RAB28: variants seen among roughly 807,000 people sequenced by gnomAD.
RAB28 encodes RAB28, member RAS oncogene family.
Under a neutral mutation model 31.7 loss-of-function variants are expected in RAB28, and 24 were observed. The observed-to-expected ratio is 0.76, with a 90% CI of 0.55 to 1.06. The LOEUF is 1.06. Among genes scored for constraint, RAB28 ranks in the 50% least tolerant of loss-of-function variants. The probability of loss-of-function intolerance (pLI) is 0.00; values close to 1 mark genes in which losing one functional copy is unlikely to be tolerated. For missense variants in RAB28, 254 were observed against 258.5 expected (o/e 0.98, Z 0.12); for synonymous variants, 100 against 90.4 (o/e 1.11, Z -0.60).
Position 13,484,191 on chromosome 4 carries a change from G to A in RAB28, c.-41C>T, listed in dbSNP as rs369654305. 3,467 of 1,521,102 alleles carry A rather than the reference G, an allele frequency of 2.3e-3. 67 individuals carry two copies. In the African/African-American group the frequency reaches 0.042, roughly 19 times the overall value. The allele number at this position is 1,521,102 out of a possible 1,614,324, so 94.2% of individuals were successfully genotyped here. A position where few individuals can be genotyped will look rare whatever the true frequency, so the allele number is the denominator to read the frequency against. The stretch of plus-strand genomic sequence containing the variant: ...AGGCCCGCCCCTCGAGGTGGGGGGG[G>A]AAGGGAAGGATGAAGGCTCCGGGGG... On this transcript the variant is annotated 5_prime_UTR_variant, in exon 1 of 7. Transcript: ENST00000330852.
intron 4 of RAB28, among the ~76,000 whole-genome samples, chr4:13,410,178 T>A (rs1712352460): frequency 6.6e-6 from 1 of 152,186 alleles, no homozygotes; most frequent in Admixed American, 6.5e-5. Context: ...CTATTAAACC[T>A]CTTTTCTTTA....
intron 4 of RAB28, among the ~76,000 whole-genome samples, chr4:13,414,222 A>G (rs1712619442): frequency 6.6e-6 from 1 of 152,208 alleles, no homozygotes; most frequent in Admixed American, 6.5e-5. Context: ...TTTTTATCAT[A>G]AAAATGTTCT....
chr4:13,474,810 T>C (rs954035951), intron 2 of RAB28, among the ~76,000 whole-genome samples: 9 of 151,662 alleles, frequency 5.9e-5, no homozygotes, highest in African/African-American at 2.2e-4. Flanking sequence ...TACATATGAA[T>C]TCTGTCGTAG....
At chr4:13,391,495 G>A (rs915859079) in intron 4 of RAB28, among the ~76,000 whole-genome samples, 2 of 152,206 alleles carry the variant, frequency 1.3e-5, no homozygotes, top group Admixed American at 1.3e-4. Flanking sequence ...AAGACAGTAT[G>A]GCGATTCCTC....
At chr4:13,381,723 A>G in intron 4 of RAB28, 129 bp from the exon 5 acceptor site, 1 of 598,454 alleles carries the variant, frequency 1.7e-6, no homozygotes, top group Non-Finnish European at 2.9e-6. Context: ...AACCTTGGAC[A>G]ATTTATTAAA....
chr4:13,371,269 T>C (rs1331725739), intron 6 of RAB28: 2 of 985,354 alleles, frequency 2.0e-6, no homozygotes, highest in Non-Finnish European at 2.4e-6. Flanking sequence ...AACAGAAGCA[T>C]TACCAACTGC....
chr4:13,427,428 T>G (rs181111634), intron 4 of RAB28, among the ~76,000 whole-genome samples: 4 of 152,348 alleles, frequency 2.6e-5, no homozygotes, highest in East Asian at 3.9e-4. Flanking sequence ...GTAAGCTTTA[T>G]AGTCACTCCT....
At chr4:13,407,638 G>T (rs898523030) in intron 4 of RAB28, among the ~76,000 whole-genome samples, 3 of 152,194 alleles carry the variant, frequency 2.0e-5, no homozygotes, top group Admixed American at 2.0e-4. Flanking sequence ...TCCTATGAAT[G>T]AGCATGGAAT....
At chr4:13,369,957 G>T (rs767237207) in intron 6 of RAB28, 1 of 1,610,070 alleles carries the variant, frequency 6.2e-7, no homozygotes, top group South Asian at 1.1e-5. Flanking sequence ...TTTCTGCCCT[G>T]ACAATACGCT....
intron 3 of RAB28, among the ~76,000 whole-genome samples, chr4:13,461,182 C>T (rs555752014): frequency 1.2e-4 from 18 of 152,212 alleles, no homozygotes; most frequent in Non-Finnish European, 1.9e-4. Context: ...CTACCTCTCA[C>T]TTTCATGAGG....
chr4:13,444,229 G>A (rs1199164468), intron 4 of RAB28, among the ~76,000 whole-genome samples: 2 of 151,574 alleles, frequency 1.3e-5, no homozygotes, highest in Non-Finnish European at 2.9e-5. Flanking sequence ...GGGTTTCACC[G>A]TGTTAGCCAG....
chr4:13,371,660 A>C (rs2108873513), intron 6 of RAB28: 1 of 1,472,958 alleles, frequency 6.8e-7, no homozygotes, highest in South Asian at 1.4e-5. Context: ...GCAGATTCCA[A>C]ATTTCACTTT....
intron 2 of RAB28, among the ~76,000 whole-genome samples, chr4:13,476,973 T>C (rs1716389709): frequency 6.6e-6 from 1 of 151,174 alleles, no homozygotes; most frequent in Non-Finnish European, 1.5e-5. Context: ...AAAAGTACAC[T>C]TGGTGCCTTG....
At chr4:13,443,837 C>T (rs1356271026) in intron 4 of RAB28, among the ~76,000 whole-genome samples, 1 of 152,104 alleles carries the variant, frequency 6.6e-6, no homozygotes, top group African/African-American at 2.4e-5. Flanking sequence ...CATCTACCCA[C>T]TGTCTCCAGC....
At chr4:13,397,865 A>T (rs1711517596) in intron 4 of RAB28, among the ~76,000 whole-genome samples, 1 of 152,112 alleles carries the variant, frequency 6.6e-6, no homozygotes. Flanking sequence ...CTCAAATTGC[A>T]TTGTGTTTAT....
chr4:13,419,742 A>G (rs1713009350), intron 4 of RAB28, among the ~76,000 whole-genome samples: 1 of 152,226 alleles, frequency 6.6e-6, no homozygotes, highest in South Asian at 2.1e-4. Context: ...TCTGGGACAC[A>G]TTTAAAGCAG....
intron 4 of RAB28, among the ~76,000 whole-genome samples, chr4:13,384,699 A>C (rs1729287090): frequency 6.6e-6 from 1 of 152,214 alleles, no homozygotes; most frequent in Non-Finnish European, 1.5e-5. Context: ...AATAGGATAA[A>C]AGAAAAAAAG....
At chr4:13,395,954 TA>T in intron 4 of RAB28, among the ~76,000 whole-genome samples, 1 of 152,180 alleles carries the variant, frequency 6.6e-6, no homozygotes, top group Non-Finnish European at 1.5e-5. Flanking sequence ...TTATTCCATG[TA>T]TTTTAAAAAG....
chr4:13,388,917 C>T (rs572884194), intron 4 of RAB28, among the ~76,000 whole-genome samples: 1 of 152,118 alleles, frequency 6.6e-6, no homozygotes, highest in South Asian at 2.1e-4. Flanking sequence ...AAACATAGAA[C>T]GACTGTATGA....
Sources: allele counts gnomAD v4.1 joint callset (sites outside exome capture counted in the v4.1 genomes callset), GRCh38; gene constraint gnomAD v4.1.1; transcripts MANE v1.5; gene names NCBI Gene and HGNC (gene_info 2026-07-23, HGNC 2026-07-21).